The following SHQ1 variants were observed in gnomAD, a reference collection of about 807,000 sequenced individuals.
The protein encoded by SHQ1 is SHQ1, H/ACA ribonucleoprotein assembly factor, also known as protein SHQ1 homolog.
SHQ1 carries 49 observed loss-of-function variants against 53.8 expected under a neutral mutation model. The observed-to-expected ratio is 0.91, with a 90% confidence interval of 0.72 to 1.16. The LOEUF (loss-of-function observed/expected upper bound fraction) is 1.16, where lower values mean the gene tolerates loss of function less well. Ranked by LOEUF, SHQ1 falls within the 50% of genes most tolerant of loss-of-function variation. The pLI, the probability that SHQ1 is intolerant of heterozygous loss-of-function variation, is 0.00. For synonymous variants in SHQ1, 243 were observed against 251.0 expected (o/e 0.97, Z 0.30); for missense variants, 738 against 683.1 (o/e 1.08, Z -0.90).
chr3:72,823,128 G>A (rs578009183), intron 6 of SHQ1, among the ~76,000 whole-genome samples: 3 of 136,530 alleles, frequency 2.2e-5, no homozygotes, highest in South Asian at 4.6e-4. Context: ...CAGCCTGGGC[G>A]ACAGAGCAAG....
At chr3:72,837,786 G>A (rs1708045908) in intron 4 of SHQ1, among the ~76,000 whole-genome samples, 1 of 152,202 alleles carries the variant, frequency 6.6e-6, no homozygotes, top group Non-Finnish European at 1.5e-5. Context: ...TGATCACTCA[G>A]TTTTGAACCA....
intron 4 of SHQ1, among the ~76,000 whole-genome samples, chr3:72,833,499 TAGACAGAC>T (rs58448242): frequency 0.12 from 4,570 of 37,296 alleles, 140 homozygotes; most frequent in East Asian, 0.38. Context: ...GATAGATAGA[TAGACAGAC>T]AGACAGACAG....
intron 10 of SHQ1, among the ~76,000 whole-genome samples, chr3:72,751,496 G>GTACATATATATATATATATATA (rs1372925082): frequency 4.3e-5 from 5 of 117,116 alleles, no homozygotes; most frequent in Admixed American, 7.9e-5. Flanking sequence ...GTGTGTGTGT[G>GTACATATATATATATATATATA]TGTGTGTGTG....
intron 6 of SHQ1, among the ~76,000 whole-genome samples, chr3:72,822,924 C>T (rs963157956): frequency 7.9e-5 from 12 of 151,988 alleles, no homozygotes; most frequent in African/African-American, 2.9e-4. Flanking sequence ...CCGAGGCTGG[C>T]GGATCACAAG....
intron 10 of SHQ1, among the ~76,000 whole-genome samples, chr3:72,765,952 A>C (rs1705717665): frequency 6.6e-6 from 1 of 152,204 alleles, no homozygotes; most frequent in African/African-American, 2.4e-5. Flanking sequence ...AAGATAATAA[A>C]TACTAAAATA....
intron 10 of SHQ1, among the ~76,000 whole-genome samples, chr3:72,768,641 C>A (rs1705784536): frequency 1.3e-5 from 2 of 152,124 alleles, no homozygotes; most frequent in Admixed American, 1.3e-4. Context: ...AAGAAGAAAA[C>A]AACAACAGGG....
chr3:72,783,099 A>G (rs1216018698), intron 10 of SHQ1, among the ~76,000 whole-genome samples: 1 of 152,228 alleles, frequency 6.6e-6, no homozygotes, highest in Admixed American at 6.5e-5. Flanking sequence ...CCACCAAGCC[A>G]AAACCAAGGA....
intron 10 of SHQ1, chr3:72,773,602 G>T: frequency 5.5e-6 from 1 of 182,476 alleles, no homozygotes; most frequent in Non-Finnish European, 1.1e-5. Flanking sequence ...GTGAGACTGT[G>T]GTGGCAAGGA....
intron 8 of SHQ1, among the ~76,000 whole-genome samples, chr3:72,814,273 A>G (rs1251900308): frequency 2.6e-5 from 4 of 152,240 alleles, no homozygotes; most frequent in South Asian, 2.1e-4. Context: ...ATAAATGCTA[A>G]CACAGAAACC....
At chr3:72,747,367 C>T (rs890554309), downstream of SHQ1, among the ~76,000 whole-genome samples, 1 of 152,246 alleles carries the variant, frequency 6.6e-6, no homozygotes, top group African/African-American at 2.4e-5. Flanking sequence ...TTTACTCTCC[C>T]GTCAGACATA....
intron 10 of SHQ1, among the ~76,000 whole-genome samples, chr3:72,776,342 C>T (rs1705957926): frequency 6.6e-6 from 1 of 152,110 alleles, no homozygotes; most frequent in Non-Finnish European, 1.5e-5. Flanking sequence ...TATACAAATA[C>T]CACTGTGTTA....
At chr3:72,775,123 AAAAAT>A (rs1046698383) in intron 10 of SHQ1, among the ~76,000 whole-genome samples, 18 of 152,258 alleles carry the variant, frequency 1.2e-4, no homozygotes, top group African/African-American at 3.8e-4. Context: ...TCCAAAAATA[AAAAAT>A]AAAATAAAAT....
At chr3:72,847,098 C>A (rs1037220366) in intron 1 of SHQ1, among the ~76,000 whole-genome samples, 1 of 152,160 alleles carries the variant, frequency 6.6e-6, no homozygotes, top group African/African-American at 2.4e-5. Flanking sequence ...TACATGAGGG[C>A]AGGACTTTGT....
At chr3:72,757,924 T>C (rs115139059) in intron 10 of SHQ1, among the ~76,000 whole-genome samples, 4,211 of 152,272 alleles carry the variant, frequency 0.028, 128 homozygotes, top group Non-Finnish European at 0.035. Flanking sequence ...CAAACTCCCA[T>C]GACACAAGTT....
chr3:72,836,497 A>G (rs978732099), intron 4 of SHQ1, among the ~76,000 whole-genome samples: 3 of 152,128 alleles, frequency 2.0e-5, no homozygotes, highest in African/African-American at 7.2e-5. Flanking sequence ...TCAAAAAAAA[A>G]AAAGAAAGCA....
chr3:72,818,884 G>GTCT (rs1707393421), intron 6 of SHQ1, among the ~76,000 whole-genome samples: 1 of 152,180 alleles, frequency 6.6e-6, no homozygotes, highest in South Asian at 2.1e-4. Context: ...CAGCAACAAA[G>GTCT]TAGGGGCCTC....
At chr3:72,763,062 CAGAG>C (rs1298255006) in intron 10 of SHQ1, among the ~76,000 whole-genome samples, 2,854 of 76,244 alleles carry the variant, frequency 0.037, 93 homozygotes, top group African/African-American at 0.1. Context: ...CACACACACA[CAGAG>C]AGAGAGAGAG....
Position 72,815,366 on chromosome 3 carries a change from G to T in SHQ1, c.920C>A (p.Thr307Lys). 6.2e-7 allele frequency: 1 copy of T among 1,613,368 alleles called. No homozygotes were observed. The highest frequency in any genetic ancestry group is 8.5e-7 in the Non-Finnish European group (1 of 1,179,648). The change falls in exon 8 of 11, where the codon ACA becomes AAA. Residue 307 changes from threonine (T) to lysine (K), a missense_variant. Transcript: ENST00000325599. ...SAWNIRKLSP[T>K]LCWFETWTNV... ...AAATCATACCTCAAACCAGCATAGT[G>T]TTGGACTCAGTTTCCTGATATTCCA... is the stretch of plus-strand genomic sequence containing the variant.
At chr3:72,834,366 T>TA (rs1171662213) in intron 4 of SHQ1, among the ~76,000 whole-genome samples, 1 of 152,028 alleles carries the variant, frequency 6.6e-6, no homozygotes, top group African/African-American at 2.4e-5. Context: ...CCGTCTCTAC[T>TA]AAAAAATACA....
Sources: gnomAD v4.1 joint callset for allele counts (sites outside exome capture counted in the v4.1 genomes callset) on GRCh38, gnomAD v4.1.1 for gene constraint, MANE v1.5 for transcripts, NCBI Gene and HGNC (gene_info 2026-07-23, HGNC 2026-07-21) for gene names.